GRM7: variants seen among roughly 807,000 people sequenced by gnomAD.
The protein encoded by GRM7 is glutamate metabotropic receptor 7.
A neutral mutation model predicts 84.5 loss-of-function variants in GRM7; 35 were observed. The observed-to-expected ratio is 0.41, with a 90% confidence interval of 0.32 to 0.55. The LOEUF is 0.55. GRM7 is among the 20% of genes least tolerant of loss of function. The pLI is 0.19. For missense variants in GRM7, 1,003 were observed against 1,194.6 expected, an observed-to-expected ratio of 0.84 and a Z score of 2.36; for synonymous variants, 487 against 455.1, an observed-to-expected ratio of 1.07 and a Z score of -0.89.
At chr3:7,354,555 T>A (rs1693303855) in intron 4 of GRM7, among the ~76,000 whole-genome samples, 1 of 152,046 alleles carries the variant, frequency 6.6e-6, no homozygotes, top group Admixed American at 6.6e-5. Flanking sequence ...ACAGAAACAA[T>A]ATTGCATCCC....
chr3:7,470,099 C>A (rs986129202), intron 7 of GRM7, among the ~76,000 whole-genome samples: 2 of 152,176 alleles, frequency 1.3e-5, no homozygotes, highest in African/African-American at 4.8e-5. Flanking sequence ...TACAACACAT[C>A]CCCCTCCTCC....
chr3:7,495,860 C>G (rs748952138), intron 7 of GRM7, among the ~76,000 whole-genome samples: 2 of 152,214 alleles, frequency 1.3e-5, no homozygotes, highest in Non-Finnish European at 2.9e-5. Flanking sequence ...GTTCCCAAAA[C>G]AGATCACCTT....
chr3:7,459,602 C>A (rs1698156939), intron 6 of GRM7, among the ~76,000 whole-genome samples: 1 of 152,126 alleles, frequency 6.6e-6, no homozygotes, highest in Non-Finnish European at 1.5e-5. Context: ...AAAGGGGAAA[C>A]CCCTTTTAAA....
intron 2 of GRM7, among the ~76,000 whole-genome samples, chr3:7,237,330 C>A (rs1216829949): frequency 6.6e-6 from 1 of 152,174 alleles, no homozygotes; most frequent in African/African-American, 2.4e-5. Flanking sequence ...TGTAGAATAG[C>A]TAGTGAATAA....
At chr3:7,030,908 T>C (rs1463611847) in intron 1 of GRM7, among the ~76,000 whole-genome samples, 2 of 152,228 alleles carry the variant, frequency 1.3e-5, no homozygotes, top group Non-Finnish European at 2.9e-5. Flanking sequence ...TCTGGCTCTC[T>C]TGAAGTGTAA....
intron 2 of GRM7, among the ~76,000 whole-genome samples, chr3:7,193,187 A>C (rs1378457355): frequency 6.6e-6 from 1 of 152,098 alleles, no homozygotes; most frequent in African/African-American, 2.4e-5. Context: ...TCTTTAAGGG[A>C]TAAATGGGTT....
chr3:7,652,661 A>T (rs896832390), intron 8 of GRM7, among the ~76,000 whole-genome samples: 5 of 152,196 alleles, frequency 3.3e-5, no homozygotes, highest in Non-Finnish European at 7.3e-5. Flanking sequence ...TTTTGCAGGA[A>T]TACGCTTTCA....
chr3:7,643,319 A>C (rs116001846), intron 8 of GRM7, among the ~76,000 whole-genome samples: 24 of 71,230 alleles, frequency 3.4e-4, no homozygotes, highest in Admixed American at 4.7e-4. Context: ...AGGGAGCCCA[A>C]TGAAAAACAA....
chr3:7,185,501 C>A (rs530522150), intron 2 of GRM7, among the ~76,000 whole-genome samples: 3 of 152,142 alleles, frequency 2.0e-5, no homozygotes, highest in Non-Finnish European at 4.4e-5. Flanking sequence ...GTAGCTCTAT[C>A]TATATGGACC....
At chr3:6,920,481 G>A (rs1041527529) in intron 1 of GRM7, among the ~76,000 whole-genome samples, 1 of 152,008 alleles carries the variant, frequency 6.6e-6, no homozygotes, top group African/African-American at 2.4e-5. Context: ...CTGGAACCTG[G>A]GAGGTGGAGG....
chr3:6,874,069 T>TTG (rs1695219121), intron 1 of GRM7, among the ~76,000 whole-genome samples: 1 of 152,376 alleles, frequency 6.6e-6, no homozygotes, highest in East Asian at 1.9e-4. Context: ...TAGGTGTTTA[T>TTG]TGTAACCTCT....
intron 3 of GRM7, among the ~76,000 whole-genome samples, chr3:7,301,826 C>T (rs375287254): frequency 6.6e-6 from 1 of 152,036 alleles, no homozygotes; most frequent in African/African-American, 2.4e-5. Context: ...CATAATGTTA[C>T]GTTATTTCTT....
chr3:7,125,990 C>A (rs1474274842), intron 1 of GRM7, among the ~76,000 whole-genome samples: 1 of 152,232 alleles, frequency 6.6e-6, no homozygotes, highest in Non-Finnish European at 1.5e-5. Context: ...CAGGTGGTTT[C>A]CTAATTATAA....
rs184463782 is a variant in GRM7, at chr3:7,728,698, A to T, written c.2699-11659A>T. 2.8e-3 allele frequency among the ~76,000 whole-genome samples: 433 copies of T among 152,290 alleles called. 7 individuals carry two copies. Among genetic ancestry groups the T allele is most frequent in the Middle Eastern group, 0.02 (6 of 294 alleles). ...TTTCTGGCTTTGGTGCCAGGGCATC[A>T]ATTTCCCTAGGTTTAATTATTAACT... On this transcript the variant is annotated intron_variant, in intron 9 of 9. Transcript: ENST00000357716.
At chr3:7,645,781 C>A (rs890102006) in intron 8 of GRM7, among the ~76,000 whole-genome samples, 3 of 152,062 alleles carry the variant, frequency 2.0e-5, no homozygotes, top group Admixed American at 1.3e-4. Context: ...GAGCTATCAG[C>A]CTTTGCATTT....
At chr3:6,955,989 T>C (rs1474788201) in intron 1 of GRM7, among the ~76,000 whole-genome samples, 1 of 152,052 alleles carries the variant, frequency 6.6e-6, no homozygotes, top group African/African-American at 2.4e-5. Flanking sequence ...AGGAGAGAAA[T>C]ATTAATATCT....
intron 9 of GRM7, among the ~76,000 whole-genome samples, chr3:7,730,829 A>G (rs564624832): frequency 2.0e-5 from 3 of 152,356 alleles, no homozygotes; most frequent in Non-Finnish European, 2.9e-5. Flanking sequence ...TTGAAATTAT[A>G]AAATGCACAA....
chr3:6,982,943 C>T (rs1170191812), intron 1 of GRM7, among the ~76,000 whole-genome samples: 1 of 152,152 alleles, frequency 6.6e-6, no homozygotes, highest in Non-Finnish European at 1.5e-5. Flanking sequence ...TAAAAGCACT[C>T]ACGTTGAGAA....
chr3:7,328,895 T>A (rs1701085924), intron 4 of GRM7, among the ~76,000 whole-genome samples: 1 of 152,124 alleles, frequency 6.6e-6, no homozygotes, highest in Non-Finnish European at 1.5e-5. Flanking sequence ...GGGATGGATT[T>A]TGATGGATTT....
Sources: allele counts gnomAD v4.1 joint callset (sites outside exome capture counted in the v4.1 genomes callset), GRCh38; gene constraint gnomAD v4.1.1; transcripts MANE v1.5; gene names NCBI Gene and HGNC (gene_info 2026-07-23, HGNC 2026-07-21).